RBFOX2: variants seen among roughly 807,000 people sequenced by gnomAD.
The protein encoded by RBFOX2 is RNA binding protein fox-1 homolog 2.
A neutral mutation model predicts 49.1 loss-of-function variants in RBFOX2; 10 were observed. The ratio of observed to expected loss-of-function variants is 0.20; its 90% CI spans 0.13 to 0.35. RBFOX2 has a LOEUF of 0.35. RBFOX2 is among the 10% of genes least tolerant of loss of function. The pLI is 1.00. For synonymous variants in RBFOX2, 183 were observed against 187.4 expected (o/e 0.98, Z 0.19); for missense variants, 323 against 486.9 (o/e 0.66, Z 3.17).
chr22:35,825,109 A>C (rs1301672975), intron 1 of RBFOX2, among the ~76,000 whole-genome samples: 3 of 152,232 alleles, frequency 2.0e-5, no homozygotes. Flanking sequence ...AGTCCCACTT[A>C]CTTGGGAGGC....
chr22:35,768,431 T>C, intron 4 of RBFOX2, 82 bp from the exon 6 acceptor site: 4 of 1,261,304 alleles, frequency 3.2e-6, no homozygotes, highest in Non-Finnish European at 4.6e-6. Flanking sequence ...AGAAAAAATA[T>C]CATAGTATGA....
At chr22:35,878,489 T>C (rs2045448179) in intron 1 of RBFOX2, among the ~76,000 whole-genome samples, 1 of 152,102 alleles carries the variant, frequency 6.6e-6, no homozygotes, top group Admixed American at 6.5e-5. Context: ...ACTGCAGCTT[T>C]GACCTCCTGG....
upstream of RBFOX2, among the ~76,000 whole-genome samples, chr22:35,845,031 G>A (rs192683061): frequency 6.5e-4 from 99 of 152,130 alleles, 1 homozygote; most frequent in African/African-American, 2.3e-3. Flanking sequence ...CTATAAAAGT[G>A]GATCTAAGAG....
chr22:35,744,358 A>G, intron 11 of RBFOX2, 109 bp from the exon 14 acceptor site: 1 of 1,001,422 alleles, frequency 1.0e-6, no homozygotes, highest in Middle Eastern at 3.0e-4. Context: ...TCGAAGCCTC[A>G]AAGCAACTGA....
intron 1 of RBFOX2, among the ~76,000 whole-genome samples, chr22:35,921,899 C>G (rs1471071496): frequency 2.0e-5 from 3 of 152,142 alleles, no homozygotes; most frequent in Non-Finnish European, 4.4e-5. Flanking sequence ...TCTGGGTGCC[C>G]TCTGTTGACA....
At chr22:35,874,511 A>G (rs1159924288) in intron 1 of RBFOX2, among the ~76,000 whole-genome samples, 1 of 152,216 alleles carries the variant, frequency 6.6e-6, no homozygotes, top group African/African-American at 2.4e-5. Context: ...CAAAAACAGA[A>G]AGGAAATTTG....
chr22:35,828,823 G>A (rs1017310777), intron 1 of RBFOX2, among the ~76,000 whole-genome samples: 24 of 152,188 alleles, frequency 1.6e-4, no homozygotes, highest in South Asian at 6.2e-4. Flanking sequence ...AGGCCGAGGC[G>A]GGCGGATCTT....
chr22:35,768,833 C>T (rs940819601), intron 4 of RBFOX2, among the ~76,000 whole-genome samples: 3 of 152,150 alleles, frequency 2.0e-5, no homozygotes, highest in Admixed American at 6.5e-5. Context: ...TTCAACATTG[C>T]ATAATGAGAT....
chr22:35,988,658 G>A (rs1404830003), intron 1 of RBFOX2, among the ~76,000 whole-genome samples: 1 of 152,164 alleles, frequency 6.6e-6, no homozygotes, highest in African/African-American at 2.4e-5. Context: ...TCAAGGGGTG[G>A]GAGATGAGGT....
chr22:35,879,113 A>G (rs1017675660), intron 1 of RBFOX2, among the ~76,000 whole-genome samples: 61 of 152,218 alleles, frequency 4.0e-4, no homozygotes, highest in African/African-American at 1.4e-3. Context: ...CTTATTGAAT[A>G]GGAAACATTT....
At chr22:35,822,012 C>A (rs1603300106) in intron 1 of RBFOX2, 3 of 514,536 alleles carry the variant, frequency 5.8e-6, no homozygotes, top group Middle Eastern at 3.2e-4. Context: ...TAAAACCAAG[C>A]AATCAGCAAG....
At chr22:35,804,994 AAGT>A (rs1468215367) in intron 2 of RBFOX2, among the ~76,000 whole-genome samples, 1 of 146,288 alleles carries the variant, frequency 6.8e-6, no homozygotes, top group Non-Finnish European at 1.6e-5. Context: ...CCTGATTAAA[AAGT>A]AAGACAAAGG....
Position 35,890,869 on chromosome 22 carries a change from G to A in RBFOX2, c.-34+47978C>T, listed in dbSNP as rs2047157272. Among the ~76,000 whole-genome samples the A allele has an allele frequency of 3.3e-5, 5 of 152,024 alleles. 1 individual carries two copies. The South Asian group carries it at 1.0e-3, about 32-fold the overall frequency. On this transcript the variant is annotated intron_variant, in intron 1 of 13. Coordinates refer to the RBFOX2 transcript ENST00000359369. ...AGCATAAAATGAAATAAGAGCCATA[G>A]TTTTTAAAAGATGAGATTGCGTTTC...
intron 1 of RBFOX2, among the ~76,000 whole-genome samples, chr22:35,834,504 G>A (rs765918396): frequency 1.3e-5 from 2 of 152,090 alleles, no homozygotes; most frequent in Non-Finnish European, 2.9e-5. Context: ...AACAATCAAC[G>A]GTAAGAACTA....
intron 1 of RBFOX2, among the ~76,000 whole-genome samples, chr22:35,982,384 C>T (rs1379661520): frequency 1.3e-5 from 2 of 152,074 alleles, no homozygotes; most frequent in Non-Finnish European, 2.9e-5. Context: ...CCCCCATCTC[C>T]CCATTTACTC....
At chr22:35,805,070 G>A (rs1603205974) in intron 2 of RBFOX2, among the ~76,000 whole-genome samples, 2 of 151,970 alleles carry the variant, frequency 1.3e-5, no homozygotes, top group East Asian at 3.9e-4. Context: ...GGCGGATCAC[G>A]AGGTCAGGAG....
intron 1 of RBFOX2, among the ~76,000 whole-genome samples, chr22:35,848,043 A>C (rs1397547574): frequency 2.0e-5 from 3 of 152,146 alleles, no homozygotes; most frequent in Non-Finnish European, 4.4e-5. Flanking sequence ...ATATATGTCT[A>C]ATACTTCAAT....
chr22:35,866,850 A>G (rs978584347), intron 1 of RBFOX2, among the ~76,000 whole-genome samples: 1 of 152,204 alleles, frequency 6.6e-6, no homozygotes, highest in African/African-American at 2.4e-5. Flanking sequence ...CCAAGTGAGG[A>G]GCCTTCACTT....
intron 1 of RBFOX2, among the ~76,000 whole-genome samples, chr22:35,814,740 A>G: frequency 6.6e-6 from 1 of 150,444 alleles, no homozygotes; most frequent in South Asian, 2.1e-4. Flanking sequence ...AAAAAAAGAA[A>G]AGAAAAGAAA....
Sources: gnomAD v4.1 joint callset for allele counts (sites outside exome capture counted in the v4.1 genomes callset) on GRCh38, gnomAD v4.1.1 for gene constraint, MANE v1.5 for transcripts, NCBI Gene and HGNC (gene_info 2026-07-23, HGNC 2026-07-21) for gene names.